The following ZCWPW2 variants were observed in gnomAD, a reference collection of about 807,000 sequenced individuals.
The protein encoded by ZCWPW2 is zinc finger CW-type and PWWP domain containing 2, also known as zinc finger CW-type PWWP domain protein 2.
ZCWPW2 carries 45 observed loss-of-function variants against 46.6 expected under a neutral mutation model. The observed-to-expected ratio is 0.96, with a 90% confidence interval of 0.76 to 1.24. The LOEUF is 1.24. ZCWPW2 is among the 50% of genes most tolerant of loss of function. ZCWPW2 has a pLI of 0.00. For synonymous variants in ZCWPW2, 152 were observed against 137.1 expected (o/e 1.11, Z -0.76); for missense variants, 429 against 403.9 (o/e 1.06, Z -0.53).
At chr3:28,424,339 C>A (rs1346437427) in intron 3 of ZCWPW2, among the ~76,000 whole-genome samples, 4 of 151,928 alleles carry the variant, frequency 2.6e-5, no homozygotes, top group Non-Finnish European at 5.9e-5. Context: ...GAATTCTGTT[C>A]TCTCGAAATA....
intron 2 of ZCWPW2, among the ~76,000 whole-genome samples, chr3:28,402,464 T>C (rs1188404602): frequency 6.6e-6 from 1 of 152,074 alleles, no homozygotes; most frequent in Non-Finnish European, 1.5e-5. Context: ...CACAGCAAAA[T>C]TCTGCCAGAC....
intron 3 of ZCWPW2, among the ~76,000 whole-genome samples, chr3:28,431,530 G>A (rs1423860873): frequency 6.6e-6 from 1 of 151,962 alleles, no homozygotes; most frequent in Non-Finnish European, 1.5e-5. Flanking sequence ...CTGGATTAGG[G>A]CCTACCCTAA....
chr3:28,372,768 C>G (rs1231933105), intron 1 of ZCWPW2, among the ~76,000 whole-genome samples: 2 of 152,018 alleles, frequency 1.3e-5, no homozygotes, highest in Non-Finnish European at 2.9e-5. Context: ...AGCCCTCACC[C>G]CTTTCCCTAC....
At chr3:28,384,661 G>T in intron 1 of ZCWPW2, among the ~76,000 whole-genome samples, 1 of 145,044 alleles carries the variant, frequency 6.9e-6, no homozygotes, top group African/African-American at 2.6e-5. Context: ...CACCCAGGCT[G>T]GAGTGCAGTG....
At chr3:28,438,979 C>T (rs1400761688) in intron 4 of ZCWPW2, among the ~76,000 whole-genome samples, 1 of 151,382 alleles carries the variant, frequency 6.6e-6, no homozygotes, top group Non-Finnish European at 1.5e-5. Context: ...TATTGAGTCT[C>T]AGTGTATTAG....
At chr3:28,519,165 G>T (rs940864270) in intron 8 of ZCWPW2, among the ~76,000 whole-genome samples, 1 of 152,104 alleles carries the variant, frequency 6.6e-6, no homozygotes. Flanking sequence ...GGCTTTGCTT[G>T]TTTGTTTGTT....
intron 5 of ZCWPW2, among the ~76,000 whole-genome samples, chr3:28,483,337 T>G (rs1011985572): frequency 6.6e-6 from 1 of 152,192 alleles, no homozygotes; most frequent in African/African-American, 2.4e-5. Context: ...TCTGTTCTGT[T>G]GATCTATTTG....
intron 2 of ZCWPW2, among the ~76,000 whole-genome samples, chr3:28,398,667 C>T (rs531396823): frequency 1.3e-5 from 2 of 152,254 alleles, no homozygotes; most frequent in Admixed American, 1.3e-4. Context: ...AATACACACC[C>T]CCATGGAGGA....
chr3:28,391,618 A>G (rs1264554226), intron 2 of ZCWPW2, among the ~76,000 whole-genome samples: 1 of 152,194 alleles, frequency 6.6e-6, no homozygotes, highest in East Asian at 1.9e-4. Flanking sequence ...ACCACATGGC[A>G]GCCCCTGTGG....
At chr3:28,456,484 TC>T in intron 4 of ZCWPW2, among the ~76,000 whole-genome samples, 2 of 152,296 alleles carry the variant, frequency 1.3e-5, no homozygotes, top group Middle Eastern at 6.8e-3. Context: ...TTGCTTGATT[TC>T]CCTGGCCATA....
At chr3:28,492,993 C>A (rs1699867738) in intron 6 of ZCWPW2, among the ~76,000 whole-genome samples, 1 of 150,824 alleles carries the variant, frequency 6.6e-6, no homozygotes, top group African/African-American at 2.5e-5. Flanking sequence ...AAAGGATGAG[C>A]ATCATGTTTG....
chr3:28,375,876 A>G (rs1359084471), intron 1 of ZCWPW2, among the ~76,000 whole-genome samples: 2 of 152,092 alleles, frequency 1.3e-5, no homozygotes, highest in African/African-American at 4.8e-5. Flanking sequence ...CACACAAATA[A>G]GTAAAAACAT....
chr3:28,499,973 G>A (rs919808977), intron 6 of ZCWPW2, among the ~76,000 whole-genome samples: 4 of 151,888 alleles, frequency 2.6e-5, no homozygotes, highest in Non-Finnish European at 5.9e-5. Flanking sequence ...TTTTTGACAT[G>A]CTTTAAAAGA....
intron 5 of ZCWPW2, among the ~76,000 whole-genome samples, chr3:28,489,665 C>CGT (rs1699735106): frequency 1.7e-5 from 1 of 59,628 alleles, no homozygotes; most frequent in Non-Finnish European, 3.7e-5. Context: ...CACACACACG[C>CGT]GCGCACACAC....
At chr3:28,357,283 G>A (rs976074879) in intron 1 of ZCWPW2, among the ~76,000 whole-genome samples, 7 of 152,152 alleles carry the variant, frequency 4.6e-5, no homozygotes, top group South Asian at 2.1e-4. Context: ...TTTCAAATAC[G>A]TTGTGTAGCA....
At chr3:28,395,384 A>G (rs866249825) in intron 2 of ZCWPW2, among the ~76,000 whole-genome samples, 9 of 152,298 alleles carry the variant, frequency 5.9e-5, no homozygotes, top group Middle Eastern at 3.4e-3. Context: ...ACTACCATGT[A>G]TTCCAGCAAT....
intron 1 of ZCWPW2, among the ~76,000 whole-genome samples, chr3:28,371,023 T>A (rs1369287849): frequency 6.6e-6 from 1 of 151,694 alleles, no homozygotes; most frequent in Non-Finnish European, 1.5e-5. Flanking sequence ...TGAACCACCA[T>A]GCCCAATAAA....
In ZCWPW2 at chr3:28,348,937, GA is replaced by G. The variant is rs1187630296; in HGVS notation, c.-398del. 1.0e-6 allele frequency: 1 copy of G among 984,472 alleles called. No homozygotes were observed. The highest frequency in any genetic ancestry group is 1.2e-6 in the Non-Finnish European group (1 of 829,136). The allele number at this position is 984,472 out of a possible 1,614,324, so 61.0% of individuals were successfully genotyped here. On this transcript the variant is annotated 5_prime_UTR_variant, in exon 1 of 10. Coordinates refer to ENST00000383768, the MANE Select transcript of ZCWPW2 (RefSeq NM_001040432.4). ...GGACCAGCACGGGCCGGAGGGAGGG[GA>G]AGCACTCCGGAAAGTGATTGGAAGT...
chr3:28,442,489 G>A (rs570183197), intron 4 of ZCWPW2, among the ~76,000 whole-genome samples: 3 of 152,286 alleles, frequency 2.0e-5, no homozygotes, highest in African/African-American at 4.8e-5. Context: ...AGTGAAAAGC[G>A]ATCAAGGTCT....
Sources: allele counts gnomAD v4.1 joint callset (sites outside exome capture counted in the v4.1 genomes callset), GRCh38; gene constraint gnomAD v4.1.1; transcripts MANE v1.5; gene names NCBI Gene and HGNC (gene_info 2026-07-23, HGNC 2026-07-21).